Variants in MYOM3 observed in about 807,000 individuals in gnomAD.
MYOM3 encodes myomesin-3.
A neutral mutation model predicts 191.7 loss-of-function variants in MYOM3; 155 were observed. That is an observed-to-expected ratio of 0.81 (90% confidence interval 0.71 to 0.92). MYOM3 has a LOEUF of 0.92. Ranked by LOEUF, MYOM3 falls within the 40% of genes least tolerant of loss-of-function variation. The pLI is 0.00. For missense variants in MYOM3, 1,889 were observed against 1,890.6 expected, an observed-to-expected ratio of 1.00 and a Z score of 0.02; for synonymous variants, 757 against 762.9, an observed-to-expected ratio of 0.99 and a Z score of 0.13.
In MYOM3 at chr1:24,092,328, G is replaced by A. The variant is rs1643849920; in HGVS notation, c.1091-13C>T. 1 of 1,351,840 alleles carries A rather than the reference G, an allele frequency of 7.4e-7. No individual in the cohort carries two copies. The highest frequency in any genetic ancestry group is 2.8e-5 in the East Asian group (1 of 35,946). The allele number at this position is 1,351,840 out of a possible 1,614,324, so 83.7% of individuals were successfully genotyped here. On this transcript the variant is annotated splice_polypyrimidine_tract_variant and intron_variant, in intron 10 of 36. Transcript: ENST00000374434. ...TCGGCCTCGGCATCTGAAACCCGGGGGTGAGAGGGAGGCCCTTCTAGTCAG... is the reference window on the plus strand; with the variant it reads ...TCGGCCTCGGCATCTGAAACCCGGGAGTGAGAGGGAGGCCCTTCTAGTCAG...
intron 7 of MYOM3, among the ~76,000 whole-genome samples, chr1:24,097,580 G>C (rs1367918394): frequency 6.6e-6 from 1 of 152,206 alleles, no homozygotes; most frequent in Non-Finnish European, 1.5e-5. Context: ...GCTGGCTCAG[G>C]ATGGAATCAG....
intron 10 of MYOM3, 121 bp downstream of exon 10, chr1:24,092,826 A>G: frequency 9.8e-7 from 1 of 1,020,720 alleles, no homozygotes; most frequent in Non-Finnish European, 1.3e-6. Flanking sequence ...CCCTGATTTT[A>G]TGGTAGAGAA....
intron 20 of MYOM3, among the ~76,000 whole-genome samples, chr1:24,077,549 G>A (rs977022084): frequency 7.9e-5 from 12 of 152,062 alleles, no homozygotes; most frequent in African/African-American, 2.9e-4. Context: ...ACCCAGTTTC[G>A]GCAGATGCAT....
At chr1:24,065,134 C>T (rs761760975) in intron 29 of MYOM3, among the ~76,000 whole-genome samples, 5 of 152,192 alleles carry the variant, frequency 3.3e-5, no homozygotes, top group Non-Finnish European at 7.3e-5. Flanking sequence ...CTTTGAAGCA[C>T]CTACTGGTGC....
chr1:24,089,786 T>G lies in MYOM3; in HGVS notation c.1487-121A>C, dbSNP rs529632548. The G allele has an allele frequency of 3.2e-6, 4 of 1,242,694 alleles. No homozygotes were observed. In the African/African-American group the frequency reaches 4.6e-5, roughly 14 times the overall value. The allele number at this position is 1,242,694 out of a possible 1,614,324, so 77.0% of individuals were successfully genotyped here. On this transcript the variant is annotated intron_variant, in intron 13 of 36. Coordinates refer to ENST00000374434, the MANE Select transcript of MYOM3 (RefSeq NM_152372.4). ...CCCATCCCCCAGAGAGGGGCAGTAG[T>G]TGGCTCCAGGTCACTCAGCAATGCT...
intron 7 of MYOM3, 107 bp downstream of exon 7, chr1:24,097,816 C>A: frequency 1.2e-6 from 1 of 818,476 alleles, no homozygotes. Flanking sequence ...GGCTGAACAG[C>A]CTTGTGCCTA....
intron 19 of MYOM3, 54 bp downstream of exon 19, chr1:24,081,276 G>A (rs1463262905): frequency 6.2e-7 from 1 of 1,606,076 alleles, no homozygotes; most frequent in Non-Finnish European, 8.5e-7. Flanking sequence ...CATTGGGTAG[G>A]TTTGGGAAGG....
chr1:24,071,681 A>G (rs1173235654), intron 24 of MYOM3, among the ~76,000 whole-genome samples: 3 of 152,214 alleles, frequency 2.0e-5, no homozygotes, highest in Non-Finnish European at 4.4e-5. Context: ...GCCAATGGAG[A>G]GAAGCAGAGG....
intron 35 of MYOM3, among the ~76,000 whole-genome samples, chr1:24,059,841 C>T (rs11579305): frequency 0.26 from 38,980 of 151,970 alleles, 5,276 homozygotes; most frequent in South Asian, 0.45. Flanking sequence ...GGGAACAGGA[C>T]GGGTGGTCAG....
intron 35 of MYOM3, among the ~76,000 whole-genome samples, chr1:24,059,598 G>A (rs1245893082): frequency 6.6e-6 from 1 of 152,258 alleles, no homozygotes; most frequent in African/African-American, 2.4e-5. Context: ...CAGGAAGAAG[G>A]TAAGTGGGAC....
chr1:24,092,405 T>G, intron 10 of MYOM3, 90 bp from the exon 11 acceptor site: 1 of 1,183,380 alleles, frequency 8.5e-7, no homozygotes, highest in Non-Finnish European at 1.1e-6. Flanking sequence ...CCTCTTCTCA[T>G]CCATCCTCCA....
chr1:24,104,322 C>G (rs141996496), intron 5 of MYOM3, among the ~76,000 whole-genome samples: 1 of 152,196 alleles, frequency 6.6e-6, no homozygotes, highest in African/African-American at 2.4e-5. Flanking sequence ...TTCTGAGAAG[C>G]CTTCCTGGAT....
Position 24,089,595 on chromosome 1 carries a change from C to T in MYOM3, c.1557G>A (p.Leu519=), listed in dbSNP as rs1176883890. 3.1e-6 allele frequency: 5 copies of T among 1,596,738 alleles called. No individual in the cohort carries two copies. The highest frequency in any genetic ancestry group is 4.3e-6 in the Non-Finnish European group (5 of 1,171,870). ...ASEIREAYVV[L]AWEEPSPRDR... ...CCCGGGGGCTGGGCTCCTCCCAGGCCAGAACCACATAGGCCTCTCGGATCT... is the reference window on the plus strand; with the variant it reads ...CCCGGGGGCTGGGCTCCTCCCAGGCTAGAACCACATAGGCCTCTCGGATCT... The change falls in exon 14 of 37, where the codon CTG becomes CTA. Residue 519 remains leucine (L), a synonymous_variant. Transcript: ENST00000374434.
chr1:24,109,930 C>T (rs1644024868), intron 1 of MYOM3, among the ~76,000 whole-genome samples: 1 of 152,246 alleles, frequency 6.6e-6, no homozygotes, highest in Admixed American at 6.5e-5. Context: ...ATTCCCAAGG[C>T]TCAAGTCTAG....
chr1:24,057,179 C>A lies in MYOM3; in HGVS notation c.*185G>T. 1 of 639,828 alleles carries A rather than the reference C, an allele frequency of 1.6e-6. No homozygotes were observed. The highest frequency in any genetic ancestry group is 2.8e-5 in the East Asian group (1 of 36,142). 39.6% of individuals were successfully genotyped at this position (639,828 alleles called of 1,614,324 possible). A position where few individuals can be genotyped will look rare whatever the true frequency, so the allele number is the denominator to read the frequency against. ...GCTCTCCTGGAAGCCACTCAGGACCCCAGAAAGATCTTTGCTTCTCCACTT... is the reference window on the plus strand; with the variant it reads ...GCTCTCCTGGAAGCCACTCAGGACCACAGAAAGATCTTTGCTTCTCCACTT... On this transcript the variant is annotated 3_prime_UTR_variant, in exon 37 of 37. Transcript: ENST00000374434.
chr1:24,074,347 C>T, intron 22 of MYOM3, 78 bp from the exon 23 acceptor site: 1 of 1,122,448 alleles, frequency 8.9e-7, no homozygotes, highest in Non-Finnish European at 1.3e-6. Context: ...GCCAGGGAGT[C>T]CAGGTTGCTT....
rs1643710073 is a variant in MYOM3 at position 24,084,363 on chromosome 1, A to C, written c.1970+105T>G. On this transcript the variant is annotated intron_variant, in intron 16 of 36. Transcript: ENST00000374434. ...AAAAGAAGCCTGTATAGGTCGCAGAACTGTGAGCTGATTAAACCTCTTTTC... is the reference window on the plus strand; with the variant it reads ...AAAAGAAGCCTGTATAGGTCGCAGACCTGTGAGCTGATTAAACCTCTTTTC... The C allele has an allele frequency of 3.0e-6, 4 of 1,314,206 alleles. No individual in the cohort carries two copies. The African/African-American group carries it at 5.8e-5, about 19-fold the overall frequency. The allele number at this position is 1,314,206 out of a possible 1,614,324, so 81.4% of individuals were successfully genotyped here. A position where few individuals can be genotyped will look rare whatever the true frequency, so the allele number is the denominator to read the frequency against.
In MYOM3 at chr1:24,084,512, T is replaced by A. The variant is rs750698276; in HGVS notation, c.1926A>T (p.Thr642=). Residue 642 remains threonine (T), a synonymous_variant, in exon 16 of 37, where the codon ACA becomes ACT. Transcript: ENST00000374434. ...GYYIYSRKVG[T]SEWQTVNNKP... is the part of the protein sequence containing the mutation. ...TGTTGTTAACTGTTTGCCACTCAGA[T>A]GTCCCCACCTTCCGGGAGTAGATGT... is the stretch of plus-strand genomic sequence containing the variant. 1.9e-6 allele frequency: 3 copies of A among 1,614,230 alleles called. No individual in the cohort carries two copies. The Admixed American group carries it at 5.0e-5, about 27-fold the overall frequency.
At chr1:24,061,010 G>A (rs1301415004) in intron 35 of MYOM3, 50 bp downstream of exon 35, 2 of 1,611,366 alleles carry the variant, frequency 1.2e-6, no homozygotes, top group Non-Finnish European at 1.7e-6. Context: ...CTTCCAGGAA[G>A]TTTGCCCCAA....
Sources: allele counts gnomAD v4.1 joint callset (sites outside exome capture counted in the v4.1 genomes callset), GRCh38; gene constraint gnomAD v4.1.1; transcripts MANE v1.5; gene names NCBI Gene and HGNC (gene_info 2026-07-23, HGNC 2026-07-21).